AKAP6: variants seen among roughly 807,000 people sequenced by gnomAD.
AKAP6 encodes the protein A-kinase anchor protein 6.
A neutral mutation model predicts 188.5 loss-of-function variants in AKAP6; 58 were observed. The ratio of observed to expected loss-of-function variants is 0.31; its 90% confidence interval spans 0.25 to 0.38. AKAP6 has a LOEUF of 0.38. Among genes scored for constraint, AKAP6 ranks in the 10% least tolerant of loss-of-function variants. The pLI, the probability that AKAP6 is intolerant of heterozygous loss-of-function variation, is 1.00. For missense variants in AKAP6, 2,710 were observed against 2,740.0 expected (o/e 0.99, Z 0.24); for synonymous variants, 989 against 998.6 (o/e 0.99, Z 0.18).
intron 7 of AKAP6, among the ~76,000 whole-genome samples, chr14:32,601,716 A>C (rs1885933574): frequency 6.6e-6 from 1 of 152,226 alleles, no homozygotes; most frequent in Non-Finnish European, 1.5e-5. Flanking sequence ...AATCATCATC[A>C]AGTCACATTT....
chr14:32,696,690 A>G (rs1378120623), intron 9 of AKAP6, among the ~76,000 whole-genome samples: 1 of 152,100 alleles, frequency 6.6e-6, no homozygotes, highest in Non-Finnish European at 1.5e-5. Context: ...ATAACTATCT[A>G]TATTGTTTTC....
intron 9 of AKAP6, among the ~76,000 whole-genome samples, chr14:32,698,655 C>T (rs183315205): frequency 9.2e-5 from 14 of 152,210 alleles, no homozygotes; most frequent in Admixed American, 2.6e-4. Flanking sequence ...ATTTCCCAGT[C>T]CATCTCAACA....
chr14:32,528,583 A>G (rs1161511993), intron 2 of AKAP6, among the ~76,000 whole-genome samples: 1 of 152,192 alleles, frequency 6.6e-6, no homozygotes, highest in Non-Finnish European at 1.5e-5. Context: ...GTAGCTTTGT[A>G]GTAAATCTTG....
intron 7 of AKAP6, among the ~76,000 whole-genome samples, chr14:32,648,437 TG>T (rs1349579861): frequency 6.6e-6 from 1 of 152,108 alleles, no homozygotes; most frequent in Admixed American, 6.6e-5. Flanking sequence ...GTATTCCTCT[TG>T]GTAAGCACCT....
At chr14:32,369,691 G>C (rs2138514739) in intron 1 of AKAP6, among the ~76,000 whole-genome samples, 1 of 152,334 alleles carries the variant, frequency 6.6e-6, no homozygotes, top group East Asian at 1.9e-4. Context: ...TCCTTTAGTG[G>C]TTGGCTTGCT....
intron 7 of AKAP6, among the ~76,000 whole-genome samples, chr14:32,604,206 C>G (rs1307802032): frequency 6.6e-6 from 1 of 152,122 alleles, no homozygotes; most frequent in Non-Finnish European, 1.5e-5. Flanking sequence ...TTTCATGTCA[C>G]ATTATGTGCA....
chr14:32,684,643 G>A (rs1158442640), intron 8 of AKAP6, among the ~76,000 whole-genome samples: 1 of 151,962 alleles, frequency 6.6e-6, no homozygotes, highest in Non-Finnish European at 1.5e-5. Flanking sequence ...TTAGCTCTCT[G>A]CTACTTTTTA....
In AKAP6 at chr14:32,511,640, G is replaced by A. The variant is rs555044118; in HGVS notation, c.325-23914G>A. ...GACCCACCCACCTCGGCCTCCCAAA[G>A]TGCTAGGATTACAGGTTGTATTAAC... On this transcript the variant is annotated intron_variant, in intron 2 of 13. Coordinates refer to ENST00000280979, the MANE Select transcript of AKAP6 (RefSeq NM_004274.5). Among the ~76,000 whole-genome samples, 9 of 152,246 alleles carry A rather than the reference G, an allele frequency of 5.9e-5. No individual in the cohort carries two copies. In the East Asian group the frequency reaches 1.7e-3, roughly 29 times the overall value.
chr14:32,352,229 C>A (rs1236397888), intron 1 of AKAP6, among the ~76,000 whole-genome samples: 1 of 151,168 alleles, frequency 6.6e-6, no homozygotes, highest in Admixed American at 6.6e-5. Context: ...GTTAGCTTCA[C>A]TGTGCCTTTC....
At chr14:32,497,253 A>G (rs1043044743) in intron 2 of AKAP6, among the ~76,000 whole-genome samples, 4 of 152,066 alleles carry the variant, frequency 2.6e-5, no homozygotes, top group Admixed American at 6.6e-5. Flanking sequence ...TCATGTTTAT[A>G]TAGGTGTTTG....
At position 32,834,951 on chromosome 14, in the gene AKAP6, T is replaced by C. The variant is rs543353122; in HGVS notation, c.*5146T>C. On this transcript the variant is annotated 3_prime_UTR_variant, in exon 14 of 14. Coordinates refer to ENST00000280979, the MANE Select transcript of AKAP6 (RefSeq NM_004274.5). ...TTCAAACAATTTTTACATTTTTTAG[T>C]AGTTAAACAAAAGAATACTTCATGA... The C allele has an allele frequency of 3.9e-5, 6 of 152,346 alleles. No homozygotes were observed. In the South Asian group the frequency reaches 1.0e-3, roughly 26 times the overall value. The allele number at this position is 152,346 out of a possible 1,614,324, so 9.4% of individuals were successfully genotyped here.
rs531157997 is a variant in AKAP6 at position 32,462,746 on chromosome 14, TG to T, written c.324+28932del. 3.4e-3 allele frequency among the ~76,000 whole-genome samples: 520 copies of T among 152,006 alleles called. 5 individuals are homozygous for T. The highest frequency in any genetic ancestry group is 2.9e-3 in the Non-Finnish European group (200 of 67,976). On this transcript the variant is annotated intron_variant, in intron 2 of 13. Coordinates refer to ENST00000280979, the MANE Select transcript of AKAP6 (RefSeq NM_004274.5). ...TAACAATATTTACCTTAAATGTAAA[TG>T]GGCTAAATGCCCCAATTAAAAGACA...
At chr14:32,529,400 C>T (rs569497551) in intron 2 of AKAP6, among the ~76,000 whole-genome samples, 4 of 152,190 alleles carry the variant, frequency 2.6e-5, no homozygotes, top group South Asian at 2.1e-4. Context: ...TCTACATAGA[C>T]GATCATGTCA....
chr14:32,746,933 C>A (rs1415715434), intron 11 of AKAP6, among the ~76,000 whole-genome samples: 2 of 152,072 alleles, frequency 1.3e-5, no homozygotes, highest in Non-Finnish European at 2.9e-5. Flanking sequence ...TAGAACAGGG[C>A]CTTTAAAAGG....
At chr14:32,351,520 C>T (rs1887266534) in intron 1 of AKAP6, among the ~76,000 whole-genome samples, 1 of 149,990 alleles carries the variant, frequency 6.7e-6, no homozygotes, top group Non-Finnish European at 1.5e-5. Flanking sequence ...CGAGATTGCA[C>T]ACCACTGCAC....
chr14:32,819,250 G>T (rs2034460672), intron 12 of AKAP6, among the ~76,000 whole-genome samples: 1 of 152,122 alleles, frequency 6.6e-6, no homozygotes, highest in South Asian at 2.1e-4. Flanking sequence ...ACTTAAGTAG[G>T]CTATACAGAT....
chr14:32,732,144 G>A (rs7157733), intron 9 of AKAP6, among the ~76,000 whole-genome samples: 11,936 of 151,814 alleles, frequency 0.079, 961 homozygotes, highest in East Asian at 0.39. Context: ...AAAATTAACT[G>A]TAATATTAAA....
intron 7 of AKAP6, among the ~76,000 whole-genome samples, chr14:32,654,236 AT>A (rs1320905103): frequency 2.6e-5 from 4 of 152,086 alleles, no homozygotes; most frequent in Non-Finnish European, 5.9e-5. Flanking sequence ...ATGTGAAGCC[AT>A]TACAAACTCT....
At chr14:32,509,744 C>A (rs1187389419) in intron 2 of AKAP6, among the ~76,000 whole-genome samples, 1 of 152,064 alleles carries the variant, frequency 6.6e-6, no homozygotes, top group Non-Finnish European at 1.5e-5. Context: ...ACTGTCTGCC[C>A]TTTGGTGAAG....
Sources: allele counts gnomAD v4.1 joint callset (sites outside exome capture counted in the v4.1 genomes callset), GRCh38; gene constraint gnomAD v4.1.1; transcripts MANE v1.5; gene names NCBI Gene and HGNC (gene_info 2026-07-23, HGNC 2026-07-21).